Variants in AOPEP observed in about 807,000 individuals in gnomAD.
AOPEP encodes aminopeptidase O.
A neutral mutation model predicts 98.1 loss-of-function variants in AOPEP; 77 were observed. The ratio of observed to expected loss-of-function variants is 0.78; its 90% confidence interval spans 0.65 to 0.95. The LOEUF is 0.95. Among genes scored for constraint, AOPEP ranks in the 40% least tolerant of loss-of-function variants. The pLI, the probability that AOPEP is intolerant of heterozygous loss-of-function variation, is 0.00. For synonymous variants in AOPEP, 346 were observed against 365.3 expected (o/e 0.95, Z 0.60); for missense variants, 1,024 against 1,024.7 (o/e 1.00, Z 0.01).
At chr9:95,121,849 A>G in the AOPEP span, among the ~76,000 whole-genome samples, 1 of 151,632 alleles carries the variant, frequency 6.6e-6, no homozygotes, top group African/African-American at 2.4e-5. Context: ...GATAATAAAC[A>G]TAAAATTCAT....
At chr9:95,045,807 A>G (rs1407319462) in intron 13 of AOPEP, among the ~76,000 whole-genome samples, 2 of 152,200 alleles carry the variant, frequency 1.3e-5, no homozygotes, top group African/African-American at 4.8e-5. Flanking sequence ...AACCCTCATT[A>G]AACGAACTTG....
chr9:94,822,297 A>T (rs942573657), intron 5 of AOPEP, among the ~76,000 whole-genome samples: 2 of 152,228 alleles, frequency 1.3e-5, no homozygotes, highest in African/African-American at 4.8e-5. Flanking sequence ...TGTGCTTTCA[A>T]ATGAATGCCT....
At chr9:95,058,648 G>A (rs1467965201) in intron 13 of AOPEP, among the ~76,000 whole-genome samples, 1 of 152,230 alleles carries the variant, frequency 6.6e-6, no homozygotes, top group Non-Finnish European at 1.5e-5. Context: ...TCCCCATCCT[G>A]TTGTGGCCTG....
At chr9:94,912,684 T>G (rs2052240842) in intron 5 of AOPEP, among the ~76,000 whole-genome samples, 1 of 152,228 alleles carries the variant, frequency 6.6e-6, no homozygotes, top group South Asian at 2.1e-4. Context: ...ATCTCGGCTA[T>G]GGGCTCCCTG....
At chr9:94,918,639 C>T (rs1043469207) in intron 5 of AOPEP, among the ~76,000 whole-genome samples, 9 of 152,164 alleles carry the variant, frequency 5.9e-5, no homozygotes, top group African/African-American at 2.2e-4. Flanking sequence ...CCTCTCTGTA[C>T]CCACTTTCCT....
At chr9:95,110,837 T>C in the AOPEP span, 3 of 1,168,652 alleles carry the variant, frequency 2.6e-6, no homozygotes, top group South Asian at 5.8e-5. Context: ...CTGTAATTAT[T>C]ATATTCCACA....
intron 5 of AOPEP, among the ~76,000 whole-genome samples, chr9:94,885,103 C>G (rs1476531736): frequency 1.3e-5 from 2 of 151,430 alleles, no homozygotes; most frequent in Non-Finnish European, 2.9e-5. Flanking sequence ...AATCCCAGCA[C>G]TTGGAGAGGA....
At chr9:94,999,728 G>A (rs1018311978) in intron 11 of AOPEP, among the ~76,000 whole-genome samples, 1 of 152,158 alleles carries the variant, frequency 6.6e-6, no homozygotes, top group African/African-American at 2.4e-5. Flanking sequence ...GGATTTTAGA[G>A]TATCCAGACT....
At chr9:94,987,602 G>T (rs2060602980) in intron 11 of AOPEP, among the ~76,000 whole-genome samples, 1 of 152,192 alleles carries the variant, frequency 6.6e-6, no homozygotes, top group Non-Finnish European at 1.5e-5. Context: ...CTCATTCTCA[G>T]GTCCCTCCCA....
At chr9:94,931,760 T>A in intron 7 of AOPEP, 2 of 1,550,530 alleles carry the variant, frequency 1.3e-6, no homozygotes, top group Non-Finnish European at 1.7e-6. Context: ...CTTGAGATCT[T>A]TGCCACACTG....
intron 11 of AOPEP, among the ~76,000 whole-genome samples, chr9:94,987,741 T>G (rs145298297): frequency 6.6e-6 from 1 of 152,328 alleles, no homozygotes; most frequent in Non-Finnish European, 1.5e-5. Flanking sequence ...ATCTTTTCCC[T>G]TTCTGTTTTT....
intron 1 of AOPEP, among the ~76,000 whole-genome samples, chr9:94,735,249 C>CT (rs1268090277): frequency 6.6e-6 from 1 of 152,182 alleles, no homozygotes; most frequent in African/African-American, 2.4e-5. Flanking sequence ...GAGACGGAGT[C>CT]TCGCTCTGTC....
intron 13 of AOPEP, among the ~76,000 whole-genome samples, chr9:95,058,936 GAA>G (rs2067077048): frequency 1.3e-5 from 2 of 152,218 alleles, no homozygotes; most frequent in Non-Finnish European, 2.9e-5. Flanking sequence ...GGCAGAGGGA[GAA>G]AGAGAACCAG....
the AOPEP span, chr9:95,107,433 C>G: frequency 1.4e-6 from 1 of 722,698 alleles, no homozygotes; most frequent in East Asian, 2.7e-5. Flanking sequence ...TTCACACAAA[C>G]CCAAATGGGC....
intron 13 of AOPEP, among the ~76,000 whole-genome samples, chr9:95,028,915 G>A (rs527680784): frequency 2.6e-5 from 4 of 152,338 alleles, no homozygotes; most frequent in Admixed American, 2.6e-4. Context: ...AATTCCGCGA[G>A]AGCCATTGGC....
chr9:95,080,681 CTT>C lies in AOPEP; in HGVS notation c.2233-12_2233-11del. 2 of 1,610,684 alleles carry C rather than the reference CTT, an allele frequency of 1.2e-6. No individual in the cohort carries two copies. The highest frequency in any genetic ancestry group is 1.7e-6 in the Non-Finnish European group (2 of 1,178,070). Reference sequence around the variant, plus strand: ...CTGCTTGTCGCTCACTGGGCTCTCTCTTGTTCCTCCAGGTTCGCCATCGGTGG... The same window carrying C: ...CTGCTTGTCGCTCACTGGGCTCTCTCGTTCCTCCAGGTTCGCCATCGGTGG... On this transcript the variant is annotated splice_polypyrimidine_tract_variant and intron_variant, in intron 14 of 16. Coordinates refer to ENST00000375315, the MANE Select transcript of AOPEP (RefSeq NM_001193329.3).
At chr9:94,863,287 T>G (rs1176929703) in intron 5 of AOPEP, among the ~76,000 whole-genome samples, 2 of 147,160 alleles carry the variant, frequency 1.4e-5, no homozygotes, top group Admixed American at 6.7e-5. Context: ...TCTCTTTTTT[T>G]TTTTTTTTTT....
At chr9:95,008,914 G>A (rs1244903555) in intron 13 of AOPEP, among the ~76,000 whole-genome samples, 4 of 151,890 alleles carry the variant, frequency 2.6e-5, no homozygotes, top group South Asian at 4.2e-4. Flanking sequence ...TTTGTTTTTC[G>A]TTTAAAATGA....
At chr9:95,010,094 T>C (rs1198466251) in intron 13 of AOPEP, among the ~76,000 whole-genome samples, 1 of 152,208 alleles carries the variant, frequency 6.6e-6, no homozygotes, top group Non-Finnish European at 1.5e-5. Context: ...AAAAATTGTA[T>C]ATAAAATCCA....
Sources: allele counts gnomAD v4.1 joint callset (sites outside exome capture counted in the v4.1 genomes callset), GRCh38; gene constraint gnomAD v4.1.1; transcripts MANE v1.5; gene names NCBI Gene and HGNC (gene_info 2026-07-23, HGNC 2026-07-21).